Variants in HIVEP1 observed in about 807,000 individuals in gnomAD.
The protein encoded by HIVEP1 is zinc finger protein 40.
HIVEP1 carries 36 observed loss-of-function variants against 180.0 expected under a neutral mutation model. The ratio of observed to expected loss-of-function variants is 0.20; its 90% CI spans 0.15 to 0.26. The LOEUF (loss-of-function observed/expected upper bound fraction) is 0.26. HIVEP1 is among the 10% of genes least tolerant of loss of function. HIVEP1 has a pLI of 1.00. For synonymous variants in HIVEP1, 1,239 were observed against 1,239.0 expected, an observed-to-expected ratio of 1.00 and a Z score of 0.00; for missense variants, 3,143 against 3,268.7, an observed-to-expected ratio of 0.96 and a Z score of 0.94.
the HIVEP1 span, among the ~76,000 whole-genome samples, chr6:12,209,077 G>T: frequency 6.6e-6 from 1 of 152,040 alleles, no homozygotes; most frequent in East Asian, 1.9e-4. Flanking sequence ...TCCTTCCTTT[G>T]GTTGCTTTAA....
chr6:12,060,319 T>C lies in HIVEP1; in HGVS notation c.41-28865T>C, dbSNP rs187485614. Among the ~76,000 whole-genome samples, 395 of 152,364 alleles carry C rather than the reference T, an allele frequency of 2.6e-3. 4 individuals are homozygous for C. Among genetic ancestry groups the C allele is most frequent in the South Asian group, 3.9e-3 (19 of 4,832 alleles). ...GTAACTAGCCATTATATTTGCTTCT[T>C]TAAATATATATCTGGGAAATAAAAC... On this transcript the variant is annotated intron_variant, in intron 2 of 8. Coordinates refer to ENST00000379388, the MANE Select transcript of HIVEP1 (RefSeq NM_002114.4).
At chr6:12,143,212 G>A (rs1354861427) in intron 7 of HIVEP1, among the ~76,000 whole-genome samples, 2 of 152,222 alleles carry the variant, frequency 1.3e-5, no homozygotes, top group African/African-American at 4.8e-5. Context: ...TCATCCCTGG[G>A]ATGCAAGGCT....
At chr6:12,049,115 C>A (rs1450150646) in intron 2 of HIVEP1, among the ~76,000 whole-genome samples, 2 of 152,080 alleles carry the variant, frequency 1.3e-5, no homozygotes, top group South Asian at 2.1e-4. Context: ...TTCTCCCAAG[C>A]CTTTATAACC....
intron 2 of HIVEP1, among the ~76,000 whole-genome samples, chr6:12,043,384 CAG>C (rs1252311564): frequency 7.4e-5 from 9 of 121,456 alleles, no homozygotes; most frequent in African/African-American, 2.8e-4. Flanking sequence ...TTTTTGGAGA[CAG>C]AGTCTTACTC....
chr6:12,151,588 G>C (rs1015826162), intron 7 of HIVEP1, among the ~76,000 whole-genome samples: 3 of 152,196 alleles, frequency 2.0e-5, no homozygotes, highest in Non-Finnish European at 1.5e-5. Context: ...ACTTCCTTGT[G>C]GACGATGGGT....
chr6:12,015,063 A>G (rs6458035), intron 1 of HIVEP1, among the ~76,000 whole-genome samples: 102,865 of 152,078 alleles, frequency 0.68, 35,529 homozygotes, highest in Non-Finnish European at 0.75. Flanking sequence ...AACACAGGGA[A>G]GCAGAAAGTG....
chr6:12,161,310 G>T, intron 7 of HIVEP1, 129 bp from the exon 8 acceptor site: 3 of 851,674 alleles, frequency 3.5e-6, no homozygotes, highest in Non-Finnish European at 5.5e-6. Flanking sequence ...CAGGGCGGAG[G>T]CTCGTTGTGG....
chr6:12,086,235 T>G (rs542053923), intron 2 of HIVEP1, among the ~76,000 whole-genome samples: 12 of 152,244 alleles, frequency 7.9e-5, no homozygotes, highest in African/African-American at 2.9e-4. Context: ...GGATCTTTCT[T>G]CCAAGTGATG....
At chr6:12,156,666 A>G (rs1760073685) in intron 7 of HIVEP1, among the ~76,000 whole-genome samples, 1 of 152,112 alleles carries the variant, frequency 6.6e-6, no homozygotes, top group Admixed American at 6.5e-5. Flanking sequence ...ATATCCTCCA[A>G]TTAATTGATT....
chr6:12,103,933 A>G (rs567314095), intron 3 of HIVEP1, among the ~76,000 whole-genome samples: 121 of 152,268 alleles, frequency 7.9e-4, no homozygotes, highest in African/African-American at 2.8e-3. Context: ...TTTCACTTTC[A>G]TTGTTGGAAA....
rs537907708 is a variant in HIVEP1 at position 12,142,015 on chromosome 6, C to T, written c.6487+6123C>T. Among the ~76,000 whole-genome samples the T allele has an allele frequency of 2.1e-4, 32 of 151,830 alleles. No homozygotes were observed. The East Asian group carries it at 2.3e-3, about 11-fold the overall frequency. Reference sequence around the variant, plus strand: ...ACAAGGATATCTAGGACTTGAACTCCGCTCTGCACCAAGCAGACCTAAGAG... The same window carrying T: ...ACAAGGATATCTAGGACTTGAACTCTGCTCTGCACCAAGCAGACCTAAGAG... On this transcript the variant is annotated intron_variant, in intron 7 of 8. Coordinates refer to ENST00000379388, the MANE Select transcript of HIVEP1 (RefSeq NM_002114.4).
At chr6:12,148,148 A>C (rs1404928626) in intron 7 of HIVEP1, among the ~76,000 whole-genome samples, 2 of 152,246 alleles carry the variant, frequency 1.3e-5, no homozygotes, top group Non-Finnish European at 2.9e-5. Flanking sequence ...TGGCTGACTT[A>C]AAACATGATG....
chr6:12,201,209 G>T, the HIVEP1 span, among the ~76,000 whole-genome samples: 1 of 152,178 alleles, frequency 6.6e-6, no homozygotes, highest in Non-Finnish European at 1.5e-5. Flanking sequence ...GGTTGCAATG[G>T]CTCATGCCTA....
At chr6:12,153,607 A>C (rs1052586313) in intron 7 of HIVEP1, among the ~76,000 whole-genome samples, 6 of 151,078 alleles carry the variant, frequency 4.0e-5, no homozygotes, top group Non-Finnish European at 8.8e-5. Context: ...ATACAAGATA[A>C]GAGCACTTTT....
At chr6:12,067,931 AG>A (rs1342444834) in intron 2 of HIVEP1, among the ~76,000 whole-genome samples, 1 of 152,108 alleles carries the variant, frequency 6.6e-6, no homozygotes, top group East Asian at 1.9e-4. Context: ...TAAAGCTGTT[AG>A]ATTTTATCCA....
rs1333531514 is a variant in HIVEP1 at position 12,020,393 on chromosome 6, C to T, written c.40+4725C>T. 3.2e-5 allele frequency: 15 copies of T among 471,088 alleles called. No individual in the cohort carries two copies. In the Middle Eastern group the frequency reaches 1.3e-3, roughly 41 times the overall value. 29.2% of individuals were successfully genotyped at this position (471,088 alleles called of 1,614,324 possible). ...CGTGGAGAAGGGTCACTGGACTGCA[C>T]GGGGTGGCTCTTCCGCATGGTCTTG... is the stretch of plus-strand genomic sequence containing the variant. On this transcript the variant is annotated intron_variant, in intron 2 of 8. Transcript: ENST00000379388.
intron 3 of HIVEP1, among the ~76,000 whole-genome samples, chr6:12,099,939 C>T (rs964270298): frequency 3.3e-5 from 5 of 152,070 alleles, no homozygotes; most frequent in African/African-American, 1.2e-4. Context: ...TTGTGTATGT[C>T]GTCACAAAAA....
At position 12,164,155 on chromosome 6, in the gene HIVEP1, A is replaced by T; in HGVS notation, c.7851A>T (p.Pro2617=). The change falls in exon 9 of 9, where the codon CCA becomes CCT. Residue 2617 remains proline (P), a synonymous_variant. Coordinates refer to ENST00000379388, the MANE Select transcript of HIVEP1 (RefSeq NM_002114.4). ...AAAATGCAAAAAAAGTTCTGAATCC[A>T]CCTGCCCCTGCAGGTGACCATGCAA... ...QRENAKKVLN[P]PAPAGDHARL... 1 of 1,614,148 alleles carries T rather than the reference A, an allele frequency of 6.2e-7. No individual in the cohort carries two copies. The highest frequency in any genetic ancestry group is 8.5e-7 in the Non-Finnish European group (1 of 1,180,022).
At chr6:12,118,034 T>C (rs1775326031) in intron 3 of HIVEP1, among the ~76,000 whole-genome samples, 2 of 152,172 alleles carry the variant, frequency 1.3e-5, no homozygotes, top group Non-Finnish European at 1.5e-5. Context: ...AGTGAGTGGA[T>C]TGGAGAATAA....
Sources: gnomAD v4.1 joint callset for allele counts (sites outside exome capture counted in the v4.1 genomes callset) on GRCh38, gnomAD v4.1.1 for gene constraint, MANE v1.5 for transcripts, NCBI Gene and HGNC (gene_info 2026-07-23, HGNC 2026-07-21) for gene names.